The following RALGPS1 variants were observed in gnomAD, a reference collection of about 807,000 sequenced individuals.
RALGPS1 encodes Ral GEF with PH domain and SH3 binding motif 1.
RALGPS1 carries 19 observed loss-of-function variants against 78.8 expected under a neutral mutation model. The observed-to-expected ratio is 0.24, with a 90% CI of 0.17 to 0.35. The LOEUF (loss-of-function observed/expected upper bound fraction) is 0.35, where lower values mean the gene tolerates loss of function less well. RALGPS1 is among the 10% of genes least tolerant of loss of function. The pLI is 1.00. For missense variants in RALGPS1, 454 were observed against 688.3 expected (o/e 0.66, Z 3.81); for synonymous variants, 228 against 256.3 (o/e 0.89, Z 1.06).
At chr9:127,195,295 T>C in intron 12 of RALGPS1, 78 bp downstream of exon 12, 3 of 1,550,262 alleles carry the variant, frequency 1.9e-6, no homozygotes, top group Non-Finnish European at 2.6e-6. Context: ...AGGGAATCAC[T>C]TGCTGGCTGG....
At chr9:126,938,693 A>G (rs2036490778) in intron 1 of RALGPS1, among the ~76,000 whole-genome samples, 1 of 152,250 alleles carries the variant, frequency 6.6e-6, no homozygotes, top group Non-Finnish European at 1.5e-5. Context: ...TTTGCGAGTC[A>G]TGGAAGCTGT....
intron 1 of RALGPS1, among the ~76,000 whole-genome samples, chr9:126,960,543 T>G (rs760293180): frequency 6.6e-6 from 1 of 152,006 alleles, no homozygotes; most frequent in Non-Finnish European, 1.5e-5. Context: ...CACCCCTGTT[T>G]CTTTGACAGC....
intron 8 of RALGPS1, among the ~76,000 whole-genome samples, chr9:127,092,789 T>C (rs1254443278): frequency 6.6e-6 from 1 of 151,792 alleles, no homozygotes; most frequent in African/African-American, 2.4e-5. Context: ...GCTCCTAATG[T>C]AGGTGGAAGA....
chr9:127,190,319 T>TTTTG (rs371037137), intron 11 of RALGPS1, among the ~76,000 whole-genome samples: 17 of 152,212 alleles, frequency 1.1e-4, no homozygotes, highest in East Asian at 1.9e-4. Flanking sequence ...AAGTTTTGGG[T>TTTTG]TTTGTTTGTT....
chr9:127,119,753 G>A (rs185453524), intron 8 of RALGPS1, among the ~76,000 whole-genome samples: 14 of 152,308 alleles, frequency 9.2e-5, no homozygotes, highest in East Asian at 1.9e-4. Flanking sequence ...GACCATGTGC[G>A]TTACACATTT....
rs60937123 is a variant in RALGPS1, at chr9:126,952,673, GTGTGTGTC to G, written c.-65-9531_-65-9524del. Among the ~76,000 whole-genome samples the G allele has an allele frequency of 3.2e-3, 340 of 106,984 alleles. 2 individuals carry two copies. The highest frequency in any genetic ancestry group is 0.022 in the East Asian group (39 of 1,774). 70.2% of individuals were successfully genotyped at this position (106,984 alleles called of 152,430 possible). A position where few individuals can be genotyped will look rare whatever the true frequency, so the allele number is the denominator to read the frequency against. On this transcript the variant is annotated intron_variant, in intron 1 of 18. Transcript: ENST00000259351. ...AGAGAGAGAGTGTGTGTGTGTGTGTGTGTGTGTCTGTGTGTCTGTGTGTCTGTGCGCAT... is the reference window on the plus strand; with the variant it reads ...AGAGAGAGAGTGTGTGTGTGTGTGTGTGTGTGTCTGTGTGTCTGTGCGCAT...
intron 3 of RALGPS1, among the ~76,000 whole-genome samples, chr9:126,969,798 T>G (rs988350851): frequency 2.6e-5 from 4 of 152,192 alleles, no homozygotes; most frequent in African/African-American, 9.6e-5. Flanking sequence ...GGGTATTGCT[T>G]GGCTTGCTTC....
At chr9:127,178,378 A>G (rs1358631107) in intron 11 of RALGPS1, 5 of 807,838 alleles carry the variant, frequency 6.2e-6, no homozygotes, top group Non-Finnish European at 7.9e-6. Flanking sequence ...CATACTGCCA[A>G]GCCTCAGTGT....
intron 8 of RALGPS1, chr9:127,088,999 G>A: frequency 2.5e-6 from 4 of 1,614,210 alleles, no homozygotes; most frequent in Non-Finnish European, 2.5e-6. Context: ...GTGAGTAAGA[G>A]CCTCCTCGGA....
chr9:127,094,843 C>G (rs2052921690), intron 8 of RALGPS1, among the ~76,000 whole-genome samples: 1 of 152,194 alleles, frequency 6.6e-6, no homozygotes, highest in African/African-American at 2.4e-5. Flanking sequence ...CTTGGGCAGC[C>G]CAGTCAGAAG....
At chr9:127,158,335 T>G (rs1219318663) in intron 8 of RALGPS1, among the ~76,000 whole-genome samples, 2 of 152,128 alleles carry the variant, frequency 1.3e-5, no homozygotes, top group African/African-American at 4.8e-5. Flanking sequence ...ATTAATATTT[T>G]TCTCTTTATT....
At chr9:126,949,952 A>C (rs1422654514) in intron 1 of RALGPS1, among the ~76,000 whole-genome samples, 1 of 152,224 alleles carries the variant, frequency 6.6e-6, no homozygotes, top group Non-Finnish European at 1.5e-5. Context: ...TTTATGTCTA[A>C]TGTTTAAGCC....
intron 3 of RALGPS1, 40 bp from the exon 4 acceptor site, chr9:126,977,655 A>T (rs1224160523): frequency 1.5e-6 from 2 of 1,348,690 alleles, no homozygotes; most frequent in Admixed American, 1.8e-5. Flanking sequence ...GTTATCTTTG[A>T]TGTACAGTAT....
intron 8 of RALGPS1, among the ~76,000 whole-genome samples, chr9:127,111,544 G>T (rs2054813475): frequency 6.6e-6 from 1 of 152,212 alleles, no homozygotes; most frequent in Admixed American, 6.5e-5. Context: ...TTGGGGCAGG[G>T]ATCCCATGGA....
chr9:127,108,361 C>A, intron 8 of RALGPS1: 1 of 1,611,392 alleles, frequency 6.2e-7, no homozygotes, highest in Non-Finnish European at 8.5e-7. Flanking sequence ...GCTCTCCTTG[C>A]GCAGCAGCTT....
chr9:126,942,104 T>G (rs2036849683), intron 1 of RALGPS1, among the ~76,000 whole-genome samples: 1 of 152,180 alleles, frequency 6.6e-6, no homozygotes, highest in Admixed American at 6.5e-5. Flanking sequence ...ATCTTCCGAG[T>G]GTTGAGCCAT....
intron 5 of RALGPS1, among the ~76,000 whole-genome samples, chr9:127,036,270 G>GC (rs1159063406): frequency 6.6e-6 from 1 of 152,222 alleles, no homozygotes; most frequent in African/African-American, 2.4e-5. Context: ...TTGAAAATTG[G>GC]CCAGAGGCCA....
rs538533825 is a variant in RALGPS1 at position 127,103,748 on chromosome 9, A to G, written c.610+34392A>G. Among the ~76,000 whole-genome samples the G allele has an allele frequency of 8.5e-5, 13 of 152,282 alleles. No homozygotes were observed. The South Asian group carries it at 2.7e-3, about 32-fold the overall frequency. Reference sequence around the variant, plus strand: ...TTTGTTCCCAGAGCTCATTTTAAGGAACTGTTTGGAACGTGGTACCAGGAA... The same window carrying G: ...TTTGTTCCCAGAGCTCATTTTAAGGGACTGTTTGGAACGTGGTACCAGGAA... On this transcript the variant is annotated intron_variant, in intron 8 of 18. Transcript: ENST00000259351.
intron 1 of RALGPS1, among the ~76,000 whole-genome samples, chr9:126,924,605 C>G (rs1413545128): frequency 6.6e-6 from 1 of 152,108 alleles, no homozygotes; most frequent in Non-Finnish European, 1.5e-5. Context: ...GTAGGAAAGC[C>G]CCAGTTTTAA....
Sources: gnomAD v4.1 joint callset for allele counts (sites outside exome capture counted in the v4.1 genomes callset) on GRCh38, gnomAD v4.1.1 for gene constraint, MANE v1.5 for transcripts, NCBI Gene and HGNC (gene_info 2026-07-23, HGNC 2026-07-21) for gene names.